ELMO1: variants seen among roughly 807,000 people sequenced by gnomAD.
ELMO1 encodes the protein engulfment and cell motility protein 1.
Under a neutral mutation model 98.9 loss-of-function variants are expected in ELMO1, and 26 were observed. The ratio of observed to expected loss-of-function variants is 0.26; its 90% confidence interval spans 0.19 to 0.36. The LOEUF (loss-of-function observed/expected upper bound fraction) is 0.36, where lower values mean the gene tolerates loss of function less well. Ranked by LOEUF, ELMO1 falls within the 10% of genes least tolerant of loss-of-function variation. The pLI, the probability that ELMO1 is intolerant of heterozygous loss-of-function variation, is 1.00. For synonymous variants in ELMO1, 346 were observed against 346.0 expected (o/e 1.00, Z 0.00); for missense variants, 627 against 935.2 (o/e 0.67, Z 4.30).
chr7:36,999,268 G>T (rs1792456105), intron 16 of ELMO1, among the ~76,000 whole-genome samples: 1 of 152,146 alleles, frequency 6.6e-6, no homozygotes, highest in Non-Finnish European at 1.5e-5. Flanking sequence ...TCATGGGAAT[G>T]GCCCCAAATG....
At chr7:37,062,328 C>T (rs1009625259) in intron 15 of ELMO1, among the ~76,000 whole-genome samples, 1 of 152,138 alleles carries the variant, frequency 6.6e-6, no homozygotes, top group African/African-American at 2.4e-5. Flanking sequence ...TACCAGAGTA[C>T]ATAAAGCCAT....
chr7:36,984,232 C>T (rs534271135), intron 16 of ELMO1, among the ~76,000 whole-genome samples: 1 of 152,230 alleles, frequency 6.6e-6, no homozygotes, highest in Non-Finnish European at 1.5e-5. Context: ...CACACAAGCT[C>T]TTCCAGTCAG....
At chr7:37,227,660 A>G (rs760286055) in intron 8 of ELMO1, among the ~76,000 whole-genome samples, 3 of 152,214 alleles carry the variant, frequency 2.0e-5, no homozygotes, top group African/African-American at 4.8e-5. Flanking sequence ...TGCTGGGATT[A>G]CAGGCATGAG....
chr7:37,143,202 A>G (rs886514801), intron 13 of ELMO1, among the ~76,000 whole-genome samples: 20 of 152,196 alleles, frequency 1.3e-4, no homozygotes, highest in African/African-American at 4.6e-4. Flanking sequence ...CCCCCAAAGG[A>G]AACTAAAGCA....
intron 15 of ELMO1, among the ~76,000 whole-genome samples, chr7:37,051,192 G>A (rs1344708087): frequency 1.3e-5 from 2 of 152,182 alleles, no homozygotes; most frequent in African/African-American, 4.8e-5. Flanking sequence ...AATGAGAAGT[G>A]ATAAAAAATG....
chr7:37,011,366 GC>G (rs2129171449), intron 16 of ELMO1, among the ~76,000 whole-genome samples: 1 of 152,210 alleles, frequency 6.6e-6, no homozygotes, highest in Non-Finnish European at 1.5e-5. Context: ...CCATCCTGGG[GC>G]CTCCGGCTTC....
intron 6 of ELMO1, among the ~76,000 whole-genome samples, chr7:37,245,330 C>T (rs942214265): frequency 6.6e-6 from 1 of 152,106 alleles, no homozygotes; most frequent in African/African-American, 2.4e-5. Flanking sequence ...TGCACTGTGA[C>T]AATAGCGTAA....
intron 1 of ELMO1, chr7:37,393,954 T>C (rs1281959985): frequency 2.0e-5 from 3 of 152,206 alleles, no homozygotes; most frequent in East Asian, 1.9e-4. Context: ...AGAGATGATA[T>C]GGTTTGTGGA....
intron 5 of ELMO1, among the ~76,000 whole-genome samples, chr7:37,267,552 T>C (rs1475441923): frequency 6.6e-6 from 1 of 152,242 alleles, no homozygotes; most frequent in Non-Finnish European, 1.5e-5. Context: ...TATTTTAAAC[T>C]TAGGTGAATA....
chr7:37,091,364 C>T (rs1784081238), intron 15 of ELMO1, among the ~76,000 whole-genome samples: 1 of 152,204 alleles, frequency 6.6e-6, no homozygotes. Flanking sequence ...GCCTCGGCCG[C>T]TGAAAGTGCT....
intron 1 of ELMO1, among the ~76,000 whole-genome samples, chr7:37,400,306 G>A (rs1334229006): frequency 6.6e-6 from 1 of 152,010 alleles, no homozygotes; most frequent in Non-Finnish European, 1.5e-5. Flanking sequence ...GGCAGAATCC[G>A]CATCGGTACA....
intron 15 of ELMO1, among the ~76,000 whole-genome samples, chr7:37,087,214 C>T (rs957754037): frequency 6.6e-6 from 1 of 152,154 alleles, no homozygotes; most frequent in Non-Finnish European, 1.5e-5. Context: ...TTATCCTTTG[C>T]TTCTTCAGGG....
intron 1 of ELMO1, among the ~76,000 whole-genome samples, chr7:37,434,648 C>T (rs796884656): frequency 6.6e-5 from 10 of 152,294 alleles, no homozygotes; most frequent in African/African-American, 2.4e-4. Flanking sequence ...CTTCCCTTTG[C>T]CCTTTTGATA....
At chr7:37,348,842 G>A (rs1276311151) in intron 1 of ELMO1, among the ~76,000 whole-genome samples, 1 of 152,142 alleles carries the variant, frequency 6.6e-6, no homozygotes, top group Non-Finnish European at 1.5e-5. Context: ...TTCCACAAAG[G>A]TCCCAAATAC....
chr7:37,158,548 A>G (rs1788964577), intron 13 of ELMO1, among the ~76,000 whole-genome samples: 1 of 152,260 alleles, frequency 6.6e-6, no homozygotes, highest in South Asian at 2.1e-4. Flanking sequence ...CAGCCATATG[A>G]AAATATGCTC....
chr7:37,159,963 A>C (rs1789091639), intron 13 of ELMO1, among the ~76,000 whole-genome samples: 2 of 152,200 alleles, frequency 1.3e-5, no homozygotes, highest in Non-Finnish European at 2.9e-5. Context: ...CATAATGAAA[A>C]TTTTAATTTA....
Position 37,426,142 on chromosome 7 carries a change from C to CTTTTTTT in ELMO1, c.-74+22526_-74+22532dup, listed in dbSNP as rs36086006. On this transcript the variant is annotated intron_variant, in intron 1 of 21. Transcript: ENST00000310758. ...TCTCTCTCTCCCTCTTTTTTTCTTT[C>CTTTTTTT]TTTTTTTTTTTTTTTTTTTTTTTTT... Among the ~76,000 whole-genome samples, 258 of 84,578 alleles carry CTTTTTTT rather than the reference C, an allele frequency of 3.1e-3. 8 individuals carry two copies. Among genetic ancestry groups the CTTTTTTT allele is most frequent in the Admixed American group, 5.6e-3 (36 of 6,404 alleles). 55.5% of individuals were successfully genotyped at this position (84,578 alleles called of 152,430 possible).
At chr7:37,193,783 T>TA (rs1791796660) in intron 13 of ELMO1, among the ~76,000 whole-genome samples, 2 of 152,294 alleles carry the variant, frequency 1.3e-5, no homozygotes, top group East Asian at 3.9e-4. Flanking sequence ...AGTTTTCTCT[T>TA]ATCACCATTT....
intron 8 of ELMO1, among the ~76,000 whole-genome samples, chr7:37,232,496 G>A (rs900682040): frequency 6.6e-6 from 1 of 152,208 alleles, no homozygotes; most frequent in Non-Finnish European, 1.5e-5. Flanking sequence ...CAATTGCAAG[G>A]AATGGTAGGG....
Sources: gnomAD v4.1 joint callset for allele counts (sites outside exome capture counted in the v4.1 genomes callset) on GRCh38, gnomAD v4.1.1 for gene constraint, MANE v1.5 for transcripts, NCBI Gene and HGNC (gene_info 2026-07-23, HGNC 2026-07-21) for gene names.